Variants in ZDHHC6 observed in about 807,000 individuals in gnomAD.
The protein encoded by ZDHHC6 is palmitoyltransferase ZDHHC6.
ZDHHC6 carries 32 observed loss-of-function variants against 57.8 expected under a neutral mutation model. That is an observed-to-expected ratio of 0.55 (90% CI 0.42 to 0.74). The LOEUF (loss-of-function observed/expected upper bound fraction) is 0.74, where lower values mean the gene tolerates loss of function less well. Ranked by LOEUF, ZDHHC6 falls within the 30% of genes least tolerant of loss-of-function variation. ZDHHC6 has a pLI of 0.00. For synonymous variants in ZDHHC6, 128 were observed against 158.0 expected (o/e 0.81, Z 1.42); for missense variants, 433 against 500.7 (o/e 0.86, Z 1.29).
In ZDHHC6 at chr10:112,445,404, T is replaced by G; in HGVS notation, c.33A>C (p.Glu11Asp). The G allele has an allele frequency of 2.5e-6, 4 of 1,614,208 alleles. No individual in the cohort carries two copies. Among genetic ancestry groups the G allele is most frequent in the African/African-American group, 1.3e-5 (1 of 75,054 alleles). MGTFCSVIKF[E>D]NLQELKRLCH... Reference sequence around the variant, plus strand: ...ACAGTCTCTTTAATTCTTGTAGATTTTCAAACTTGATAACCGAACAGAATG... The same window carrying G: ...ACAGTCTCTTTAATTCTTGTAGATTGTCAAACTTGATAACCGAACAGAATG... The change falls in exon 2 of 11, where the codon GAA (glutamate) becomes GAC (aspartate). Residue 11 changes from glutamate to aspartate, a missense_variant. By Grantham distance (45) the Glu-to-Asp change is conservative. Coordinates refer to ENST00000369405, the MANE Select transcript of ZDHHC6 (RefSeq NM_022494.3).
At chr10:112,426,857 C>T, downstream of ZDHHC6, 1 of 1,610,510 alleles carries the variant, frequency 6.2e-7, no homozygotes, top group Non-Finnish European at 8.5e-7. Context: ...AACTTTTGAA[C>T]AGGTGTGTGC....
In ZDHHC6 at chr10:112,445,304, A is replaced by G. The variant is rs1383903719; in HGVS notation, c.133T>C (p.Trp45Arg). 6 of 1,614,238 alleles carry G rather than the reference A, an allele frequency of 3.7e-6. No homozygotes were observed. Among genetic ancestry groups the G allele is most frequent in the Non-Finnish European group, 5.1e-6 (6 of 1,180,050 alleles). ...CCAGTTGTATGTAAGGGCCAATACC[A>G]CAACACAGAGTCAATCATGGCCATG... Reference protein sequence around the residue: ...STMAMIDSVLWYWPLHTTGGS... With the variant: ...STMAMIDSVLRYWPLHTTGGS... Residue 45 changes from tryptophan (W) to arginine (R), a missense_variant, in exon 2 of 11, where the codon TGG (tryptophan) becomes CGG (arginine). Transcript: ENST00000369405.
At position 112,438,299 on chromosome 10, in the gene ZDHHC6, C is replaced by T. The variant is rs185671421; in HGVS notation, c.735+37G>A. ...ACTTTACCAGTCCTTTATTAATATA[C>T]TTTTTTAATATTGAAGAAACAATTA... On this transcript the variant is annotated intron_variant, in intron 6 of 10. Transcript: ENST00000369405. The T allele has an allele frequency of 4.1e-4, 505 of 1,241,374 alleles. 3 individuals are homozygous for T. The African/African-American group carries it at 7.5e-3, about 18-fold the overall frequency. 76.9% of individuals were successfully genotyped at this position (1,241,374 alleles called of 1,614,324 possible).
At position 112,430,916 on chromosome 10, in the gene ZDHHC6, GA is replaced by G; in HGVS notation, c.1139-10del. ...CCTTATTCTTGAAACACCTGAGGGA[GA>G]AAATGAAATTGAGGTGAAATAGTCT... On this transcript the variant is annotated splice_polypyrimidine_tract_variant and intron_variant, in intron 10 of 10. Transcript: ENST00000369405. The G allele has an allele frequency of 6.2e-7, 1 of 1,609,662 alleles. No homozygotes were observed. The highest frequency in any genetic ancestry group is 8.5e-7 in the Non-Finnish European group (1 of 1,176,978).
rs1277416106 is a variant in ZDHHC6, at chr10:112,433,251, T to G, written c.934A>C (p.Arg312=). 2 of 1,593,114 alleles carry G rather than the reference T, an allele frequency of 1.3e-6. No individual in the cohort carries two copies. The highest frequency in any genetic ancestry group is 1.7e-6 in the Non-Finnish European group (2 of 1,171,996). Residue 312 remains arginine, a synonymous_variant, in exon 8 of 11, where the codon AGA becomes CGA. Transcript: ENST00000369405. The part of the protein sequence containing the change: ...IEQLKQKADK[R]VRSVRYKVIE... ...AAAGAAGTACTTACACTTCTGACTC[T>G]CTTATCTGCTTTTTGTTTCAACTGT...
downstream of ZDHHC6, chr10:112,426,975 A>G (rs1441153816): frequency 3.9e-6 from 4 of 1,022,848 alleles, no homozygotes; most frequent in Admixed American, 4.4e-5. Flanking sequence ...ATTTTGTGCC[A>G]TTAACTACAA....
At chr10:112,440,402 A>T in intron 5 of ZDHHC6, 132 bp downstream of exon 5, 1 of 954,600 alleles carries the variant, frequency 1.0e-6, no homozygotes, top group Non-Finnish European at 1.5e-6. Context: ...AAAGGAGATT[A>T]GTTACCTAAA....
In ZDHHC6 at chr10:112,434,432, A is replaced by T. The variant is rs1250989270; in HGVS notation, c.768T>A (p.Asp256Glu). Residue 256 changes from aspartate (D) to glutamate (E), a missense_variant, in exon 7 of 11, where the codon GAT becomes GAA. Asp to Glu is a conservative substitution (Grantham distance 45). Transcript: ENST00000369405. Reference protein sequence around the residue: ...AKDRIQYYQLDEVFVFPYDMG... With the variant: ...AKDRIQYYQLEEVFVFPYDMG... ...TATCATATGGAAAAACAAAGACTTCATCTAGTTGATAATACTGAATTCGAT... is the reference window on the plus strand; with the variant it reads ...TATCATATGGAAAAACAAAGACTTCTTCTAGTTGATAATACTGAATTCGAT... 1 of 1,613,826 alleles carries T rather than the reference A, an allele frequency of 6.2e-7. No homozygotes were observed.
intron 6 of ZDHHC6, among the ~76,000 whole-genome samples, chr10:112,435,790 A>G (rs1258944809): frequency 6.6e-6 from 1 of 152,232 alleles, no homozygotes; most frequent in Non-Finnish European, 1.5e-5. Flanking sequence ...GCTATTTACA[A>G]AGAAAAACTG....
chr10:112,432,648 G>C (rs1845152711), intron 8 of ZDHHC6, 127 bp from the exon 9 acceptor site: 2 of 1,198,018 alleles, frequency 1.7e-6, no homozygotes, highest in South Asian at 3.3e-5. Context: ...CCCCTTCTAG[G>C]GGAACCTCCC....
In ZDHHC6 at chr10:112,438,406, A is replaced by G. The variant is rs1177794040; in HGVS notation, c.682-17T>C. 1.5e-6 allele frequency: 2 copies of G among 1,371,938 alleles called. No individual in the cohort carries two copies. The highest frequency in any genetic ancestry group is 1.5e-5 in the African/African-American group (1 of 67,298). 85.0% of individuals were successfully genotyped at this position (1,371,938 alleles called of 1,614,324 possible). Reference sequence around the variant, plus strand: ...TATTTTCATCTGGAAATTAAATGATAGTAAAATTTAATAATGCGACCTTGG... The same window carrying G: ...TATTTTCATCTGGAAATTAAATGATGGTAAAATTTAATAATGCGACCTTGG... On this transcript the variant is annotated splice_polypyrimidine_tract_variant and intron_variant, in intron 5 of 10. Coordinates refer to ENST00000369405, the MANE Select transcript of ZDHHC6 (RefSeq NM_022494.3).
chr10:112,428,273 C>G (rs1844816332), downstream of ZDHHC6: 1 of 389,568 alleles, frequency 2.6e-6, no homozygotes. Flanking sequence ...ACCAACTGAT[C>G]TCCCCCACCC....
At chr10:112,429,475 T>C (rs950554380), downstream of ZDHHC6, among the ~76,000 whole-genome samples, 1 of 152,210 alleles carries the variant, frequency 6.6e-6, no homozygotes, top group Non-Finnish European at 1.5e-5. Context: ...ACATATATTT[T>C]ACCTGTCTGT....
chr10:112,431,596 G>C (rs1845037938), intron 10 of ZDHHC6, among the ~76,000 whole-genome samples: 4 of 152,266 alleles, frequency 2.6e-5, no homozygotes, highest in East Asian at 1.9e-4. Flanking sequence ...TTACAGGCAT[G>C]AGTCACCACA....
At chr10:112,443,457 A>G (rs1026003446) in intron 3 of ZDHHC6, 58 bp downstream of exon 3, 23 of 1,452,952 alleles carry the variant, frequency 1.6e-5, no homozygotes, top group Admixed American at 6.9e-5. Flanking sequence ...ATAAGCAACA[A>G]TGAAAACATC....
intron 5 of ZDHHC6, 111 bp downstream of exon 5, chr10:112,440,422 CA>C: frequency 8.2e-7 from 1 of 1,215,686 alleles, no homozygotes; most frequent in Non-Finnish European, 1.1e-6. Flanking sequence ...ATGAAATAAG[CA>C]AAAATAATTT....
At position 112,433,299 on chromosome 10, in the gene ZDHHC6, AAAG is replaced by A. The variant is rs745976946; in HGVS notation, c.904-21_904-19del. On this transcript the variant is annotated intron_variant, in intron 7 of 10. Transcript: ENST00000369405. ...TGTTCTATCTGTTTGGAAGAAATAA[AAAG>A]AAAAAAATGAAGTCTCTTGTCTCAA... 5.6e-5 allele frequency: 87 copies of A among 1,550,726 alleles called. No homozygotes were observed. The highest frequency in any genetic ancestry group is 8.1e-5 in the Admixed American group (4 of 49,550).
chr10:112,436,071 G>C (rs1219355401), intron 6 of ZDHHC6, among the ~76,000 whole-genome samples: 1 of 152,206 alleles, frequency 6.6e-6, no homozygotes, highest in Non-Finnish European at 1.5e-5. Context: ...TAGGCAGAGG[G>C]AACAACATGT....
At chr10:112,433,530 A>G (rs1845235295) in intron 7 of ZDHHC6, 2 of 327,086 alleles carry the variant, frequency 6.1e-6, no homozygotes, top group Non-Finnish European at 1.1e-5. Flanking sequence ...GTATATTCCT[A>G]GAGTGCTTAC....
Sources: allele counts gnomAD v4.1 joint callset (sites outside exome capture counted in the v4.1 genomes callset), GRCh38; gene constraint gnomAD v4.1.1; transcripts MANE v1.5; gene names NCBI Gene and HGNC (gene_info 2026-07-23, HGNC 2026-07-21).